Variants in CDH12 observed in about 807,000 individuals in gnomAD.
The protein encoded by CDH12 is cadherin 12.
CDH12 carries 41 observed loss-of-function variants against 74.1 expected under a neutral mutation model. That is an observed-to-expected ratio of 0.55 (90% CI 0.43 to 0.72). The LOEUF (loss-of-function observed/expected upper bound fraction) is 0.72. CDH12 is among the 30% of genes least tolerant of loss of function. CDH12 has a pLI of 0.00. For synonymous variants in CDH12, 399 were observed against 355.0 expected, an observed-to-expected ratio of 1.12 and a Z score of -1.39; for missense variants, 945 against 977.2, an observed-to-expected ratio of 0.97 and a Z score of 0.44.
intron 1 of CDH12, among the ~76,000 whole-genome samples, chr5:22,756,714 C>A (rs570000498): frequency 6.6e-6 from 1 of 152,214 alleles, no homozygotes; most frequent in South Asian, 2.1e-4. Context: ...GTAATCCCAG[C>A]ACTTTGGGAG....
intron 3 of CDH12, among the ~76,000 whole-genome samples, chr5:22,250,133 T>C (rs998755095): frequency 2.6e-5 from 4 of 151,990 alleles, no homozygotes; most frequent in Non-Finnish European, 5.9e-5. Context: ...AGAGTTTAAT[T>C]TGAGCTAAGT....
At chr5:22,699,309 T>C (rs1742586682) in intron 1 of CDH12, among the ~76,000 whole-genome samples, 1 of 151,270 alleles carries the variant, frequency 6.6e-6, no homozygotes, top group South Asian at 2.1e-4. Flanking sequence ...GAAAACTTCT[T>C]TTTAGAACAA....
In CDH12 at chr5:22,489,056, C is replaced by CATTTTT. The variant is rs1746731897; in HGVS notation, c.-428+16213_-428+16214insAAAAAT. 8.0e-5 allele frequency among the ~76,000 whole-genome samples: 3 copies of CATTTTT among 37,314 alleles called. 1 individual carries two copies. Among genetic ancestry groups the CATTTTT allele is most frequent in the Admixed American group, 1.2e-3 (2 of 1,682 alleles). 24.5% of individuals were successfully genotyped at this position (37,314 alleles called of 152,430 possible). ...AGTAATTGCAGTTTTTTGGTACCACCTTTTTTTTTTTTTTTTTTTGAGACA... is the reference window on the plus strand; with the variant it reads ...AGTAATTGCAGTTTTTTGGTACCACCATTTTTTTTTTTTTTTTTTTTTTTTGAGACA... On this transcript the variant is annotated intron_variant, in intron 2 of 14. Coordinates refer to ENST00000382254, the MANE Select transcript of CDH12 (RefSeq NM_004061.5).
intron 1 of CDH12, among the ~76,000 whole-genome samples, chr5:22,532,348 A>G (rs1357299156): frequency 9.0e-5 from 1 of 11,136 alleles, no homozygotes; most frequent in Non-Finnish European, 1.7e-4. Flanking sequence ...TTATATAAAT[A>G]GGATATATAT....
At chr5:22,694,770 C>CAT (rs139458848) in intron 1 of CDH12, among the ~76,000 whole-genome samples, 7,499 of 151,278 alleles carry the variant, frequency 0.05, 225 homozygotes, top group Admixed American at 0.075. Flanking sequence ...GTTACTATGG[C>CAT]ATATATATAT....
At chr5:22,683,079 C>T (rs1406212575) in intron 1 of CDH12, among the ~76,000 whole-genome samples, 1 of 152,086 alleles carries the variant, frequency 6.6e-6, no homozygotes, top group Non-Finnish European at 1.5e-5. Context: ...ATAACATGAT[C>T]TATTGTTCTC....
intron 2 of CDH12, among the ~76,000 whole-genome samples, chr5:22,481,489 G>A (rs925954253): frequency 5.3e-5 from 8 of 152,144 alleles, no homozygotes; most frequent in African/African-American, 1.9e-4. Context: ...TAGAGAAAAT[G>A]TGGCGTATTT....
At chr5:22,088,714 G>C (rs1240572667) in intron 4 of CDH12, among the ~76,000 whole-genome samples, 1 of 152,112 alleles carries the variant, frequency 6.6e-6, no homozygotes, top group Non-Finnish European at 1.5e-5. Flanking sequence ...TAAAAACCCA[G>C]CAGGTAGCAA....
At chr5:22,221,643 A>T (rs952022008) in intron 3 of CDH12, among the ~76,000 whole-genome samples, 2 of 151,892 alleles carry the variant, frequency 1.3e-5, no homozygotes, top group African/African-American at 4.8e-5. Flanking sequence ...TGCAGAATTC[A>T]CAAGGAGGTT....
intron 2 of CDH12, among the ~76,000 whole-genome samples, chr5:22,418,842 C>T (rs572540527): frequency 1.3e-5 from 2 of 152,160 alleles, no homozygotes; most frequent in East Asian, 3.9e-4. Context: ...TGAGATCACA[C>T]CACTGCACTC....
intron 4 of CDH12, among the ~76,000 whole-genome samples, chr5:22,147,167 A>G (rs1014541433): frequency 2.6e-5 from 4 of 152,146 alleles, no homozygotes; most frequent in Non-Finnish European, 4.4e-5. Flanking sequence ...TGCTTTCATC[A>G]AAGACATTTT....
intron 3 of CDH12, among the ~76,000 whole-genome samples, chr5:22,294,404 C>G (rs373104788): frequency 2.0e-5 from 3 of 152,128 alleles, no homozygotes; most frequent in Non-Finnish European, 4.4e-5. Flanking sequence ...ACTGTTACCC[C>G]CCAGACACAG....
chr5:22,574,973 T>C (rs1739712816), intron 1 of CDH12, among the ~76,000 whole-genome samples: 1 of 152,196 alleles, frequency 6.6e-6, no homozygotes, highest in African/African-American at 2.4e-5. Context: ...TTTTATATAT[T>C]TTGCTTTCAG....
intron 5 of CDH12, among the ~76,000 whole-genome samples, chr5:22,030,285 A>T (rs572564292): frequency 1.6e-4 from 25 of 152,264 alleles, no homozygotes; most frequent in Non-Finnish European, 3.1e-4. Context: ...TAAAATAAAA[A>T]AAAGAAAGGT....
chr5:22,683,957 T>A (rs1325875825), intron 1 of CDH12, among the ~76,000 whole-genome samples: 3 of 152,338 alleles, frequency 2.0e-5, no homozygotes, highest in Admixed American at 6.5e-5. Flanking sequence ...ATTTAATTCT[T>A]CTTTGTTAAC....
chr5:22,115,382 C>T (rs1745028400), intron 4 of CDH12, among the ~76,000 whole-genome samples: 1 of 152,110 alleles, frequency 6.6e-6, no homozygotes, highest in African/African-American at 2.4e-5. Flanking sequence ...ATTTTATACT[C>T]AGCTTCAAAA....
chr5:22,848,422 TC>T (rs1561073957), intron 1 of CDH12, among the ~76,000 whole-genome samples: 2 of 152,184 alleles, frequency 1.3e-5, no homozygotes, highest in African/African-American at 2.4e-5. Flanking sequence ...AGTGTAACCA[TC>T]TTGCAAGACT....
intron 4 of CDH12, among the ~76,000 whole-genome samples, chr5:22,175,653 C>G (rs1195861181): frequency 1.3e-5 from 2 of 151,986 alleles, no homozygotes; most frequent in African/African-American, 4.8e-5. Flanking sequence ...TGGGACATGC[C>G]TGTAAAAGGA....
At chr5:22,817,181 TCA>T (rs1233711960) in intron 1 of CDH12, among the ~76,000 whole-genome samples, 3 of 152,118 alleles carry the variant, frequency 2.0e-5, no homozygotes, top group Non-Finnish European at 4.4e-5. Context: ...TCCTTTTGTC[TCA>T]CTTTCCGTAT....
Sources: allele counts gnomAD v4.1 joint callset (sites outside exome capture counted in the v4.1 genomes callset), GRCh38; gene constraint gnomAD v4.1.1; transcripts MANE v1.5; gene names NCBI Gene and HGNC (gene_info 2026-07-23, HGNC 2026-07-21).